TPM4: variants seen among roughly 807,000 people sequenced by gnomAD.
TPM4 encodes tropomyosin alpha-4 chain.
A neutral mutation model predicts 35.8 loss-of-function variants in TPM4; 17 were observed. That is an observed-to-expected ratio of 0.47 (90% confidence interval 0.32 to 0.71). TPM4 has a LOEUF of 0.71. TPM4 is among the 30% of genes least tolerant of loss of function. The probability of loss-of-function intolerance (pLI) is 0.03; values close to 1 mark genes in which losing one functional copy is unlikely to be tolerated. For missense variants in TPM4, 240 were observed against 320.9 expected, an observed-to-expected ratio of 0.75 and a Z score of 1.93; for synonymous variants, 120 against 122.9, an observed-to-expected ratio of 0.98 and a Z score of 0.15.
At chr19:16,069,407 G>A (rs1244559171) in intron 2 of TPM4, among the ~76,000 whole-genome samples, 1 of 676 alleles carries the variant, frequency 1.5e-3, no homozygotes, top group African/African-American at 3.6e-3. Context: ...GTGTATGAGT[G>A]TGTGTTTCTG....
chr19:16,100,247 T>C (rs2090749173), intron 7 of TPM4: 1 of 152,168 alleles, frequency 6.6e-6, no homozygotes, highest in Admixed American at 6.6e-5. Flanking sequence ...AGTTCAGGTA[T>C]TCTGACTCAA....
rs942032837 is a variant in TPM4, at chr19:16,101,781, C to T, written c.*435C>T. ...ACTGTTGGTCAAACTATAGGAGAGA[C>T]CAGGGACCATCACATGGGTAGGGAT... is the stretch of plus-strand genomic sequence containing the variant. On this transcript the variant is annotated 3_prime_UTR_variant, in exon 8 of 8. Transcript: ENST00000643579. 7.8e-5 allele frequency: 18 copies of T among 229,826 alleles called. No individual in the cohort carries two copies. The highest frequency in any genetic ancestry group is 3.8e-4 in the African/African-American group (17 of 44,986). 14.2% of individuals were successfully genotyped at this position (229,826 alleles called of 1,614,324 possible).
upstream of TPM4, chr19:16,076,064 G>A: frequency 1.3e-6 from 2 of 1,593,976 alleles, no homozygotes; most frequent in South Asian, 1.1e-5. Flanking sequence ...AGGAGCTGAC[G>A]CACCTCCAGA....
upstream of TPM4, chr19:16,075,342 G>A (rs2090393084): frequency 6.6e-6 from 1 of 152,158 alleles, no homozygotes; most frequent in South Asian, 2.1e-4. Context: ...TTTAGGGAAA[G>A]TAGGGGACAT....
chr19:16,089,070 C>T lies in TPM4; in HGVS notation c.481C>T (p.Leu161Phe). The change falls in exon 5 of 8, where the codon CTC becomes TTC. Residue 161 changes from leucine (L) to phenylalanine (F), a missense_variant. Leu to Phe is a conservative substitution (Grantham distance 22, BLOSUM62 0). Transcript: ENST00000643579. ...AAAATGTGGTGACCTGGAAGAAGAACTCAAGAATGTTACTAACAATCTGAA... is the reference window on the plus strand; with the variant it reads ...AAAATGTGGTGACCTGGAAGAAGAATTCAAGAATGTTACTAACAATCTGAA... ...ELKCGDLEEE[L>F]KNVTNNLKSL... The T allele has an allele frequency of 3.1e-6, 5 of 1,614,102 alleles. No individual in the cohort carries two copies. The highest frequency in any genetic ancestry group is 4.2e-6 in the Non-Finnish European group (5 of 1,180,010).
intron 7 of TPM4, among the ~76,000 whole-genome samples, chr19:16,098,476 T>G (rs900058140): frequency 3.3e-5 from 5 of 151,790 alleles, no homozygotes; most frequent in Admixed American, 6.6e-5. Flanking sequence ...GAAAAGAGAT[T>G]AGCACTATGG....
At chr19:16,073,363 C>T (rs866147407), upstream of TPM4, among the ~76,000 whole-genome samples, 57 of 152,178 alleles carry the variant, frequency 3.7e-4, no homozygotes, top group African/African-American at 1.3e-3. Context: ...TGCTGTAGGT[C>T]AGGGTTGACC....
chr19:16,076,348 T>G, upstream of TPM4: 3 of 1,466,606 alleles, frequency 2.0e-6, no homozygotes, highest in Non-Finnish European at 2.7e-6. Flanking sequence ...TGGCCAGCGG[T>G]GCCGACGTCA....
intron 1 of TPM4, among the ~76,000 whole-genome samples, chr19:16,079,155 T>G (rs1333954316): frequency 6.6e-6 from 1 of 152,170 alleles, no homozygotes; most frequent in Non-Finnish European, 1.5e-5. Context: ...CAGCTGAAAA[T>G]CTGCCAAAAG....
rs536023520 is a variant in TPM4, at chr19:16,070,922, C to T, written c.114+3184C>T. ...GCTTCTAGCCATCATTTAGCCCTCA[C>T]CATGAGGGACTTAGCCAGAGATTCG... is the stretch of plus-strand genomic sequence containing the variant. On this transcript the variant is annotated intron_variant, in intron 2 of 2. Transcript: ENST00000589897. The surrounding 1 kb of genome is among the most constrained non-coding windows in gnomAD (Gnocchi z 7.4). Among the ~76,000 whole-genome samples, 1 of 152,224 alleles carries T rather than the reference C, an allele frequency of 6.6e-6. No individual in the cohort carries two copies.
intron 7 of TPM4, among the ~76,000 whole-genome samples, chr19:16,096,936 CTTTTTTTTTTTTTTT>C (rs71178641): frequency 0.021 from 1,480 of 69,050 alleles, 46 homozygotes; most frequent in African/African-American, 0.072. Context: ...CAAGGTCACT[CTTTTTTTTTTTTTTT>C]TTTTTTTTTT....
chr19:16,074,574 A>G (rs183082198), upstream of TPM4: 1 of 152,348 alleles, frequency 6.6e-6, no homozygotes, highest in African/African-American at 2.4e-5. Context: ...GGGCTTCAAC[A>G]CATGAATTGG....
chr19:16,085,386 C>T (rs2090537672), intron 2 of TPM4, among the ~76,000 whole-genome samples: 1 of 152,132 alleles, frequency 6.6e-6, no homozygotes, highest in Non-Finnish European at 1.5e-5. Context: ...CATTGCAAAA[C>T]CCCCACCTCC....
At chr19:16,081,846 T>G in intron 1 of TPM4, 67 bp from the exon 2 acceptor site, 1 of 1,500,268 alleles carries the variant, frequency 6.7e-7, no homozygotes, top group Non-Finnish European at 9.0e-7. Flanking sequence ...GGGCAGGACA[T>G]GGGGGAGGCT....
At chr19:16,101,182 A>G (rs2090759508) in intron 7 of TPM4, 82 bp from the exon 8 acceptor site, 4 of 1,264,888 alleles carry the variant, frequency 3.2e-6, no homozygotes, top group African/African-American at 3.1e-5. Flanking sequence ...AGAAGAAGAA[A>G]AAAAAACAAA....
At position 16,088,963 on chromosome 19, in the gene TPM4, G is replaced by T. The variant is rs144785261; in HGVS notation, c.456-82G>T. The T allele has an allele frequency of 2.5e-4, 398 of 1,600,700 alleles. 1 individual carries two copies. The African/African-American group carries it at 4.7e-3, about 19-fold the overall frequency. On this transcript the variant is annotated intron_variant, in intron 4 of 7. Transcript: ENST00000643579. ...GGGGAGCTGTGTAGGTTTCTCCTTT[G>T]GAAAATTTATTGTTGGGGCGATTGC... is the stretch of plus-strand genomic sequence containing the variant.
upstream of TPM4, among the ~76,000 whole-genome samples, chr19:16,073,958 A>AAAAAAAAAC (rs1455511715): frequency 3.5e-4 from 42 of 120,302 alleles, no homozygotes; most frequent in African/African-American, 1.3e-3. Context: ...AAAAAAAAAA[A>AAAAAAAAAC]AACGCAAAAA....
At chr19:16,073,938 T>TAAAAAAAAAAAAAAAAAAAAAA (rs71178637), upstream of TPM4, among the ~76,000 whole-genome samples, 1 of 35,634 alleles carries the variant, frequency 2.8e-5, no homozygotes, top group African/African-American at 1.1e-4. Context: ...GAAGACCATG[T>TAAAAAAAAAAAAAAAAAAAAAA]AAAAAAAAAA....
At chr19:16,069,814 C>T (rs1222190136) in intron 2 of TPM4, among the ~76,000 whole-genome samples, 6 of 151,316 alleles carry the variant, frequency 4.0e-5, no homozygotes, top group East Asian at 1.9e-4. Flanking sequence ...GTGTTTCTGT[C>T]GGGGTGAGTG....
Sources: allele counts gnomAD v4.1 joint callset (sites outside exome capture counted in the v4.1 genomes callset), GRCh38; gene constraint gnomAD v4.1.1; non-coding constraint Gnocchi (gnomAD v3.1); transcripts MANE v1.5; gene names NCBI Gene and HGNC (gene_info 2026-07-23, HGNC 2026-07-21).